Variants in TAS2R1 observed in about 807,000 individuals in gnomAD.
The protein encoded by TAS2R1 is taste receptor type 2 member 1.
For missense variants in TAS2R1, 370 were observed against 353.4 expected (o/e 1.05, Z -0.38); for synonymous variants, 141 against 134.2 (o/e 1.05, Z -0.35).
chr5:9,887,354 C>G, the TAS2R1 span, among the ~76,000 whole-genome samples: 4 of 152,274 alleles, frequency 2.6e-5, no homozygotes, highest in East Asian at 7.7e-4. Flanking sequence ...ATAATGATGT[C>G]AAATGACTTT....
chr5:9,717,930 T>C, the TAS2R1 span, among the ~76,000 whole-genome samples: 3 of 152,170 alleles, frequency 2.0e-5, no homozygotes, highest in South Asian at 4.1e-4. Flanking sequence ...AAAGGTTGTA[T>C]GGAATAACTA....
At chr5:9,672,120 C>T (rs1740779456) in intron 1 of TAS2R1, among the ~76,000 whole-genome samples, 1 of 152,124 alleles carries the variant, frequency 6.6e-6, no homozygotes, top group African/African-American at 2.4e-5. Flanking sequence ...CCCTTCCTTA[C>T]ATCATATACA....
chr5:9,698,597 C>A (rs1397465106), intron 1 of TAS2R1, among the ~76,000 whole-genome samples: 1 of 152,020 alleles, frequency 6.6e-6, no homozygotes, highest in East Asian at 1.9e-4. Context: ...ACAGGAAAAC[C>A]TAAAAGAGGG....
chr5:9,673,526 A>G (rs1173705508), intron 1 of TAS2R1, among the ~76,000 whole-genome samples: 1 of 151,954 alleles, frequency 6.6e-6, no homozygotes, highest in South Asian at 2.1e-4. Context: ...AACCCTACTC[A>G]CTATTTTTTA....
At position 9,629,767 on chromosome 5, in the gene TAS2R1, T is replaced by A; in HGVS notation, c.266A>T (p.Asn89Ile). 1 of 1,613,880 alleles carries A rather than the reference T, an allele frequency of 6.2e-7. No individual in the cohort carries two copies. Among genetic ancestry groups the A allele is most frequent in the South Asian group, 1.1e-5 (1 of 91,048 alleles). ...SANCAILLFINELELWLATWL... is the reference protein window; with the variant it reads ...SANCAILLFIIELELWLATWL... ...TGTGGCAAGCCAAAGTTCCAATTCA[T>A]TTATAAATAAGAGAATTGCACAATT... The change falls in exon 1 of 1, where the codon AAT becomes ATT. Residue 89 changes from asparagine (N) to isoleucine (I), a missense_variant. Transcript: ENST00000382492.
At chr5:9,676,278 T>C (rs1194581747) in intron 1 of TAS2R1, among the ~76,000 whole-genome samples, 6 of 152,122 alleles carry the variant, frequency 3.9e-5, no homozygotes, top group Non-Finnish European at 1.5e-5. Flanking sequence ...AAGAAAACTA[T>C]ATATGGAAAT....
chr5:9,835,053 C>A, the TAS2R1 span, among the ~76,000 whole-genome samples: 1 of 152,162 alleles, frequency 6.6e-6, no homozygotes, highest in African/African-American at 2.4e-5. Context: ...CCTAGGGGCA[C>A]GGCAGCAGCT....
the TAS2R1 span, among the ~76,000 whole-genome samples, chr5:9,867,411 C>A: frequency 1.3e-5 from 2 of 152,112 alleles, no homozygotes; most frequent in African/African-American, 2.4e-5. Context: ...AAAGAAAGAG[C>A]AAAGGAATGT....
the TAS2R1 span, among the ~76,000 whole-genome samples, chr5:9,809,519 G>A: frequency 6.6e-6 from 1 of 152,050 alleles, no homozygotes; most frequent in Non-Finnish European, 1.5e-5. Context: ...TTATTCATCT[G>A]CAAGCCAGGA....
intron 2 of TAS2R1, among the ~76,000 whole-genome samples, chr5:9,648,511 C>T (rs975106321): frequency 1.3e-4 from 19 of 151,998 alleles, no homozygotes; most frequent in Non-Finnish European, 2.1e-4. Flanking sequence ...TCGTGGGGAA[C>T]ATGAGGTAGT....
At chr5:9,689,721 T>C (rs917055103) in intron 1 of TAS2R1, among the ~76,000 whole-genome samples, 2 of 152,062 alleles carry the variant, frequency 1.3e-5, no homozygotes, top group East Asian at 1.9e-4. Flanking sequence ...TTTCTGTCTA[T>C]AAGATACTAA....
chr5:9,795,046 G>A, the TAS2R1 span, among the ~76,000 whole-genome samples: 1 of 152,074 alleles, frequency 6.6e-6, no homozygotes, highest in East Asian at 1.9e-4. Flanking sequence ...ATCATCTCAA[G>A]CCCTTATTAT....
intron 2 of TAS2R1, among the ~76,000 whole-genome samples, chr5:9,651,242 T>C (rs1208697920): frequency 6.6e-6 from 1 of 152,194 alleles, no homozygotes; most frequent in Non-Finnish European, 1.5e-5. Flanking sequence ...GTTTCACATA[T>C]ACATCACTGG....
At chr5:9,697,598 G>T (rs1741385750) in intron 1 of TAS2R1, among the ~76,000 whole-genome samples, 1 of 152,112 alleles carries the variant, frequency 6.6e-6, no homozygotes. Context: ...ATTAATGCAA[G>T]ACTAGTTTAG....
intron 1 of TAS2R1, among the ~76,000 whole-genome samples, chr5:9,702,029 G>A (rs563604290): frequency 2.6e-5 from 4 of 152,258 alleles, no homozygotes; most frequent in South Asian, 4.1e-4. Context: ...CATTTAGGAC[G>A]ATGTTGAGCA....
At chr5:9,739,879 C>T in the TAS2R1 span, among the ~76,000 whole-genome samples, 1 of 152,136 alleles carries the variant, frequency 6.6e-6, no homozygotes, top group South Asian at 2.1e-4. Flanking sequence ...AATAATGGTG[C>T]ATTTTATATA....
At chr5:9,753,390 G>A in the TAS2R1 span, among the ~76,000 whole-genome samples, 1 of 152,062 alleles carries the variant, frequency 6.6e-6, no homozygotes, top group East Asian at 1.9e-4. Flanking sequence ...ACTTTTTGAT[G>A]GGGTTGTTTG....
the TAS2R1 span, among the ~76,000 whole-genome samples, chr5:9,722,744 T>C: frequency 6.6e-6 from 1 of 152,230 alleles, no homozygotes; most frequent in Non-Finnish European, 1.5e-5. Context: ...TACCTCCTGG[T>C]ATTTAGAATG....
chr5:9,872,774 G>A, the TAS2R1 span, among the ~76,000 whole-genome samples: 2 of 152,088 alleles, frequency 1.3e-5, no homozygotes, highest in African/African-American at 2.4e-5. Context: ...ATTAAGTTTG[G>A]GGAAATAATA....
Sources: gnomAD v4.1 joint callset for allele counts (sites outside exome capture counted in the v4.1 genomes callset) on GRCh38, gnomAD v4.1.1 for gene constraint, MANE v1.5 for transcripts, NCBI Gene and HGNC (gene_info 2026-07-23, HGNC 2026-07-21) for gene names.